The following ZNF334 variants were observed in gnomAD, a reference collection of about 807,000 sequenced individuals.
ZNF334 encodes zinc finger protein 334.
A neutral mutation model predicts 12.4 loss-of-function variants in ZNF334; 14 were observed. That is an observed-to-expected ratio of 1.13 (90% CI 0.74 to 1.76). The LOEUF (loss-of-function observed/expected upper bound fraction) is 1.76. Ranked by LOEUF, ZNF334 falls within the 40% of genes most tolerant of loss-of-function variation. ZNF334 has a pLI of 0.00. For synonymous variants in ZNF334, 273 were observed against 269.6 expected, an observed-to-expected ratio of 1.01 and a Z score of -0.12; for missense variants, 797 against 804.5, an observed-to-expected ratio of 0.99 and a Z score of 0.11.
At chr20:46,486,368 C>T in the ZNF334 span, among the ~76,000 whole-genome samples, 1 of 152,062 alleles carries the variant, frequency 6.6e-6, no homozygotes, top group Non-Finnish European at 1.5e-5. Context: ...GAGCCAAGAT[C>T]GTGTCACTGC....
chr20:46,489,081 T>G, the ZNF334 span, among the ~76,000 whole-genome samples: 1 of 152,164 alleles, frequency 6.6e-6, no homozygotes, highest in African/African-American at 2.4e-5. Context: ...GAGAATTTTT[T>G]GCCCATTATT....
At chr20:46,505,394 G>T (rs1396736541) in intron 2 of ZNF334, 1 of 152,852 alleles carries the variant, frequency 6.5e-6, no homozygotes, top group Non-Finnish European at 1.5e-5. Flanking sequence ...AGGAATTGTA[G>T]TATATTTCCA....
the ZNF334 span, among the ~76,000 whole-genome samples, chr20:46,476,703 C>T: frequency 6.6e-6 from 1 of 152,152 alleles, no homozygotes; most frequent in Non-Finnish European, 1.5e-5. Flanking sequence ...TGTGAAAGAA[C>T]CCAATGCCTT....
In ZNF334 at chr20:46,503,020, T is replaced by C; in HGVS notation, c.319A>G (p.Thr107Ala). 1 of 1,613,890 alleles carries C rather than the reference T, an allele frequency of 6.2e-7. No homozygotes were observed. Among genetic ancestry groups the C allele is most frequent in the Non-Finnish European group, 8.5e-7 (1 of 1,179,918 alleles). The change falls in exon 5 of 5, where the codon ACA (threonine) becomes GCA (alanine). Residue 107 changes from threonine to alanine, a missense_variant. Coordinates refer to ENST00000692313, the MANE Select transcript of ZNF334 (RefSeq NM_001353824.2). ...LTQTVFFSNK[T>A]LITERENVFG... is the part of the protein sequence containing the mutation. ...ACATTCTCTCTTTCTGTAATCAGTGTTTTGTTGCTGAAGAATACAGTTTGT... is the reference window on the plus strand; with the variant it reads ...ACATTCTCTCTTTCTGTAATCAGTGCTTTGTTGCTGAAGAATACAGTTTGT...
chr20:46,479,856 C>T, the ZNF334 span, among the ~76,000 whole-genome samples: 2 of 152,324 alleles, frequency 1.3e-5, no homozygotes, highest in Admixed American at 6.5e-5. Context: ...TCTCCCCACC[C>T]GCTTACCTTA....
Position 46,504,717 on chromosome 20 carries a change from C to G in ZNF334, c.45G>C (p.Leu15=), listed in dbSNP as rs1258674748. 18 of 1,611,748 alleles carry G rather than the reference C, an allele frequency of 1.1e-5. No individual in the cohort carries two copies. The highest frequency in any genetic ancestry group is 1.5e-5 in the Non-Finnish European group (18 of 1,179,098). Residue 15 remains leucine, a synonymous_variant, in exon 3 of 5, where the codon CTG becomes CTC. Transcript: ENST00000692313. Reference sequence around the variant, plus strand: ...ATTCCTCTTGGGTGAAGTTCACAGTCAGGTCCTGGAATGAAACTGGTATCT... The same window carrying G: ...ATTCCTCTTGGGTGAAGTTCACAGTGAGGTCCTGGAATGAAACTGGTATCT... ...KFQIPVSFQD[L]TVNFTQEEWQ...
At chr20:46,472,496 A>G in the ZNF334 span, among the ~76,000 whole-genome samples, 3 of 152,218 alleles carry the variant, frequency 2.0e-5, no homozygotes, top group African/African-American at 7.2e-5. Flanking sequence ...TTTTAAGTCG[A>G]TATTTTAAGA....
chr20:46,495,306 T>C (rs1364994328), downstream of ZNF334, among the ~76,000 whole-genome samples: 2 of 151,496 alleles, frequency 1.3e-5, no homozygotes, highest in African/African-American at 2.4e-5. Context: ...AATGTGACCC[T>C]ATTTAAAACT....
intron 2 of ZNF334, among the ~76,000 whole-genome samples, chr20:46,507,607 G>C (rs533195445): frequency 6.6e-6 from 1 of 152,306 alleles, no homozygotes; most frequent in South Asian, 2.1e-4. Flanking sequence ...AAATAAAGCA[G>C]TAAAAAATAG....
chr20:46,512,362 G>A (rs975760439), intron 1 of ZNF334, among the ~76,000 whole-genome samples, 178 bp downstream of exon 1: 40 of 152,174 alleles, frequency 2.6e-4, no homozygotes, highest in Non-Finnish European at 4.9e-4. Context: ...GTTTTCTACT[G>A]AATTACTGTC....
At chr20:46,499,098 C>T (rs182387249), downstream of ZNF334, among the ~76,000 whole-genome samples, 1,927 of 147,898 alleles carry the variant, frequency 0.013, 17 homozygotes, top group Non-Finnish European at 0.014. Flanking sequence ...GGTGTGAACC[C>T]GGGAGGCGGA....
chr20:46,487,225 C>G, the ZNF334 span, among the ~76,000 whole-genome samples: 2 of 151,944 alleles, frequency 1.3e-5, no homozygotes, highest in African/African-American at 2.4e-5. Context: ...ATCAGCATTA[C>G]GGGTTTAAAA....
chr20:46,488,427 A>ATATATT, the ZNF334 span, among the ~76,000 whole-genome samples: 1 of 123,190 alleles, frequency 8.1e-6, no homozygotes, highest in African/African-American at 3.3e-5. Context: ...TTTTATATAT[A>ATATATT]TATATATATA....
At chr20:46,489,995 G>T in the ZNF334 span, among the ~76,000 whole-genome samples, 1 of 152,026 alleles carries the variant, frequency 6.6e-6, no homozygotes, top group Non-Finnish European at 1.5e-5. Context: ...ATTTCTTTCT[G>T]CAGTTAACCA....
At chr20:46,512,421 T>C (rs761486147) in intron 1 of ZNF334, 119 bp downstream of exon 1, 7 of 240,718 alleles carry the variant, frequency 2.9e-5, no homozygotes, top group Non-Finnish European at 5.7e-5. Context: ...GTCCAATTAA[T>C]AGGAGACTAG....
Position 46,502,868 on chromosome 20 carries a change from T to C in ZNF334, c.471A>G (p.Glu157=), listed in dbSNP as rs749386404. Residue 157 remains glutamate, a synonymous_variant, in exon 5 of 5, where the codon GAA becomes GAG. Coordinates refer to ENST00000692313, the MANE Select transcript of ZNF334 (RefSeq NM_001353824.2). ...TGTATCCATCAGGAATCTTTCTGTT[T>C]TCTTTGCTTTTCTTTGCAACAATTA... ...SEVIVAKKSK[E]NRKIPDGYSG... The C allele has an allele frequency of 8.7e-6, 14 of 1,613,546 alleles. No homozygotes were observed. In the Admixed American group the frequency reaches 2.3e-4, roughly 27 times the overall value.
chr20:46,463,427 G>C, the ZNF334 span, among the ~76,000 whole-genome samples: 1 of 152,180 alleles, frequency 6.6e-6, no homozygotes, highest in Non-Finnish European at 1.5e-5. Context: ...ACACAGATGT[G>C]CAGATTTCAG....
chr20:46,506,132 G>A (rs2061422133), intron 2 of ZNF334: 1 of 389,542 alleles, frequency 2.6e-6, no homozygotes, highest in African/African-American at 2.1e-5. Context: ...AGTGTCTGTT[G>A]AGTAAAGAAG....
chr20:46,502,297 G>T lies in ZNF334; in HGVS notation c.1042C>A (p.Pro348Thr). ...EHFRSHTGEKPYECKECGNAF... is the reference protein window; with the variant it reads ...EHFRSHTGEKTYECKECGNAF... ...TTTCCACATTCCTTGCATTCGTAAG[G>T]CTTCTCCCCTGTGTGTGACCTGAAA... is the stretch of plus-strand genomic sequence containing the variant. The change falls in exon 5 of 5, where the codon CCT becomes ACT. Residue 348 changes from proline to threonine, a missense_variant. Physicochemically the swap from Pro to Thr is conservative, Grantham distance 38. Coordinates refer to ENST00000692313, the MANE Select transcript of ZNF334 (RefSeq NM_001353824.2). 8 of 1,614,116 alleles carry T rather than the reference G, an allele frequency of 5.0e-6. No individual in the cohort carries two copies. Among genetic ancestry groups the T allele is most frequent in the Non-Finnish European group, 6.8e-6 (8 of 1,180,032 alleles).
Sources: allele counts gnomAD v4.1 joint callset (sites outside exome capture counted in the v4.1 genomes callset), GRCh38; gene constraint gnomAD v4.1.1; transcripts MANE v1.5; gene names NCBI Gene and HGNC (gene_info 2026-07-23, HGNC 2026-07-21).